Variants in AGBL1 observed in about 807,000 individuals in gnomAD.
AGBL1 encodes cytosolic carboxypeptidase 4.
Under a neutral mutation model 118.9 loss-of-function variants are expected in AGBL1, and 130 were observed. The observed-to-expected ratio is 1.09, with a 90% CI of 0.95 to 1.26. AGBL1 has a LOEUF of 1.26. AGBL1 is among the 50% of genes most tolerant of loss of function. AGBL1 has a pLI of 0.00. For synonymous variants in AGBL1, 555 were observed against 478.9 expected (o/e 1.16, Z -2.08); for missense variants, 1,584 against 1,298.1 (o/e 1.22, Z -3.38).
intron 22 of AGBL1, among the ~76,000 whole-genome samples, chr15:86,683,124 C>A (rs1465102513): frequency 6.6e-6 from 1 of 152,056 alleles, no homozygotes; most frequent in African/African-American, 2.4e-5. Flanking sequence ...TTCAGCAACA[C>A]AAAAAACTGA....
At chr15:86,525,816 T>C (rs995251739) in intron 19 of AGBL1, among the ~76,000 whole-genome samples, 1 of 152,126 alleles carries the variant, frequency 6.6e-6, no homozygotes, top group Non-Finnish European at 1.5e-5. Context: ...AAATAATTTA[T>C]GGTGAAGACT....
chr15:86,554,640 C>T, intron 21 of AGBL1, 103 bp downstream of exon 21: 1 of 1,215,064 alleles, frequency 8.2e-7, no homozygotes, highest in Non-Finnish European at 1.1e-6. Flanking sequence ...GAAGAAGGCT[C>T]CAAGTAGAGT....
At chr15:86,512,756 A>G (rs770265250) in intron 18 of AGBL1, among the ~76,000 whole-genome samples, 58 of 151,822 alleles carry the variant, frequency 3.8e-4, no homozygotes, top group Admixed American at 9.9e-4. Flanking sequence ...AATTAAAACA[A>G]AGTTTTTAAT....
chr15:86,410,807 GATATATAT>G (rs36127489), intron 18 of AGBL1, among the ~76,000 whole-genome samples: 21 of 40,362 alleles, frequency 5.2e-4, no homozygotes, highest in South Asian at 1.6e-3. Flanking sequence ...GTCAAATGTA[GATATATAT>G]ATATATATAT....
chr15:86,205,863 T>C lies in AGBL1; in HGVS notation c.489-19051T>C, dbSNP rs140654507. Among the ~76,000 whole-genome samples, 441 of 152,346 alleles carry C rather than the reference T, an allele frequency of 2.9e-3. 5 individuals are homozygous for C. The highest frequency in any genetic ancestry group is 0.01 in the African/African-American group (417 of 41,580). ...TTTGATTATACTTTAAGTTCTAGGG[T>C]ACATGGGCACAACGTGTGGCTTTGT... On this transcript the variant is annotated intron_variant, in intron 5 of 22. Transcript: ENST00000614907.
chr15:86,850,389 C>A (rs913461643), intron 22 of AGBL1, among the ~76,000 whole-genome samples: 2 of 152,126 alleles, frequency 1.3e-5, no homozygotes, highest in African/African-American at 4.8e-5. Flanking sequence ...CTGCTCCTGC[C>A]CCCTTCCTGT....
At chr15:86,636,880 T>A (rs1461415838) in intron 21 of AGBL1, among the ~76,000 whole-genome samples, 1 of 150,784 alleles carries the variant, frequency 6.6e-6, no homozygotes, top group Admixed American at 6.6e-5. Flanking sequence ...TCATTACATA[T>A]TTATCAGTGC....
intron 18 of AGBL1, among the ~76,000 whole-genome samples, chr15:86,514,056 GAT>G (rs1837275572): frequency 1.3e-5 from 2 of 151,638 alleles, no homozygotes; most frequent in South Asian, 4.2e-4. Context: ...CTGGGAACTA[GAT>G]ATGTTTCTTG....
At chr15:86,284,386 T>C (rs1211196399) in intron 16 of AGBL1, among the ~76,000 whole-genome samples, 1 of 152,184 alleles carries the variant, frequency 6.6e-6, no homozygotes, top group Admixed American at 6.5e-5. Context: ...TGTGAGTAGA[T>C]ATCTAGAGAC....
chr15:86,524,027 C>G (rs1210753686), intron 19 of AGBL1, among the ~76,000 whole-genome samples: 2 of 152,214 alleles, frequency 1.3e-5, no homozygotes, highest in East Asian at 1.9e-4. Context: ...CTACCTTTAG[C>G]CACTTTTTGA....
chr15:86,449,166 A>G (rs948795291), intron 18 of AGBL1, among the ~76,000 whole-genome samples: 1 of 152,220 alleles, frequency 6.6e-6, no homozygotes, highest in Non-Finnish European at 1.5e-5. Flanking sequence ...AAATAGAGAT[A>G]GGCTGGTCAA....
chr15:86,785,408 T>C (rs908881198), intron 22 of AGBL1, among the ~76,000 whole-genome samples: 1 of 147,756 alleles, frequency 6.8e-6, no homozygotes, highest in African/African-American at 2.5e-5. Flanking sequence ...GGAGTGTTGC[T>C]CTGTCACCCA....
Position 86,266,398 on chromosome 15 carries a change from G to C in AGBL1, c.1692G>C (p.Arg564=), listed in dbSNP as rs955223403. Residue 564 remains arginine (R), a synonymous_variant, in exon 12 of 23, where the codon CGG becomes CGC. Transcript: ENST00000614907. The part of the protein sequence containing the change: ...VQRIRIFEDI[R]RLIQPSDVIN... ...GGATCAGGATATTTGAGGATATTCG[G>C]AGGCTCATCCAGCCAAGTGATGTTA... is the stretch of plus-strand genomic sequence containing the variant. 7 of 1,580,844 alleles carry C rather than the reference G, an allele frequency of 4.4e-6. No homozygotes were observed. The highest frequency in any genetic ancestry group is 4.0e-5 in the African/African-American group (3 of 74,624).
At chr15:86,187,544 C>T (rs12916101) in intron 5 of AGBL1, among the ~76,000 whole-genome samples, 22,768 of 152,174 alleles carry the variant, frequency 0.15, 1,928 homozygotes, top group Admixed American at 0.2. Flanking sequence ...TGCTGCTGAG[C>T]CTCAATTTTT....
intron 22 of AGBL1, among the ~76,000 whole-genome samples, chr15:86,697,342 T>A (rs369633321): frequency 6.6e-6 from 1 of 151,868 alleles, no homozygotes; most frequent in African/African-American, 2.4e-5. Flanking sequence ...AAAAACCTTG[T>A]CTTCCAGCTC....
intron 18 of AGBL1, among the ~76,000 whole-genome samples, chr15:86,475,409 G>A (rs772696283): frequency 7.2e-5 from 11 of 152,300 alleles, no homozygotes; most frequent in Admixed American, 3.3e-4. Context: ...ACCATGACAC[G>A]AGAACTATGT....
intron 19 of AGBL1, among the ~76,000 whole-genome samples, chr15:86,526,002 TCAAA>T (rs1487729703): frequency 2.0e-5 from 3 of 151,948 alleles, no homozygotes; most frequent in Non-Finnish European, 2.9e-5. Context: ...TACAAGAAAC[TCAAA>T]CAAATCAGCA....
At position 86,775,173 on chromosome 15, in the gene AGBL1, A is replaced by G. The variant is rs1883256222; in HGVS notation, c.3158+100737A>G. On this transcript the variant is annotated intron_variant, in intron 22 of 22. Coordinates refer to ENST00000614907, the MANE Select transcript of AGBL1 (RefSeq NM_001386094.1). ...GGATATCAATGTGGAACATGAACAG[A>G]AAGAGGCTAGAGACAGGGAGGTGAC... Among the ~76,000 whole-genome samples, 3 of 152,144 alleles carry G rather than the reference A, an allele frequency of 2.0e-5. No homozygotes were observed. The East Asian group carries it at 5.8e-4, about 29-fold the overall frequency.
At chr15:86,709,443 A>C (rs1382978765) in intron 22 of AGBL1, among the ~76,000 whole-genome samples, 1 of 152,188 alleles carries the variant, frequency 6.6e-6, no homozygotes, top group African/African-American at 2.4e-5. Context: ...CTACTAATCA[A>C]TACATAGTTA....
Sources: allele counts gnomAD v4.1 joint callset (sites outside exome capture counted in the v4.1 genomes callset), GRCh38; gene constraint gnomAD v4.1.1; transcripts MANE v1.5; gene names NCBI Gene and HGNC (gene_info 2026-07-23, HGNC 2026-07-21).